The following MAP3K15 variants were observed in gnomAD, a reference collection of about 807,000 sequenced individuals.
MAP3K15 encodes mitogen-activated protein kinase kinase kinase 15.
In MAP3K15, 124 loss-of-function variants were observed where a neutral mutation model predicts 99.5. The observed-to-expected ratio is 1.25, with a 90% CI of 1.08 to 1.45. The LOEUF (loss-of-function observed/expected upper bound fraction) is 1.45, where lower values mean the gene tolerates loss of function less well. MAP3K15 is among the 40% of genes most tolerant of loss of function. MAP3K15 has a pLI of 0.00. For synonymous variants in MAP3K15, 494 were observed against 439.6 expected (o/e 1.12, Z -1.55); for missense variants, 1,242 against 1,079.7 (o/e 1.15, Z -2.11).
intron 6 of MAP3K15, among the ~76,000 whole-genome samples, chrX:19,441,051 T>C (rs1210735283): frequency 3.6e-5 from 4 of 111,883 alleles, no homozygotes; most frequent in Non-Finnish European, 7.5e-5. Context: ...ATCTGTACAA[T>C]GGAATATTAA....
At chrX:19,416,150 G>T (rs1053896572) in intron 9 of MAP3K15, among the ~76,000 whole-genome samples, 7 of 111,369 alleles carry the variant, frequency 6.3e-5, no homozygotes, top group Non-Finnish European at 1.1e-4. Flanking sequence ...GGCCAACATG[G>T]TGAAATCCTG....
At chrX:19,483,291 G>A (rs1481921868) in intron 3 of MAP3K15, among the ~76,000 whole-genome samples, 1 of 107,260 alleles carries the variant, frequency 9.3e-6, no homozygotes, top group African/African-American at 3.4e-5. Flanking sequence ...GGAGATAAAT[G>A]TGCCCACTTC....
At chrX:19,364,457 CCT>C (rs1220643410) in intron 25 of MAP3K15, among the ~76,000 whole-genome samples, 1 of 111,587 alleles carries the variant, frequency 9.0e-6, no homozygotes, top group Non-Finnish European at 1.9e-5. Context: ...CTCCTGCCTC[CCT>C]CTCTCAGTCC....
At chrX:19,379,550 C>T (rs760979591) in intron 19 of MAP3K15, among the ~76,000 whole-genome samples, 4 of 102,700 alleles carry the variant, frequency 3.9e-5, no homozygotes, top group Admixed American at 1.1e-4. Flanking sequence ...TGGATTCAAG[C>T]GATTCTCCTG....
chrX:19,448,788 A>C (rs1246153870), intron 6 of MAP3K15, among the ~76,000 whole-genome samples: 5 of 109,619 alleles, frequency 4.6e-5, no homozygotes, highest in African/African-American at 1.6e-4. Context: ...ATGACCTAAC[A>C]CTGGTGGTTG....
chrX:19,361,452 T>G (rs1295700862), intron 27 of MAP3K15, 37 bp from the exon 28 acceptor site: 1 of 1,189,306 alleles, frequency 8.4e-7, no homozygotes. Context: ...GCTGAGCAGC[T>G]GTGTAACAAC....
intron 3 of MAP3K15, among the ~76,000 whole-genome samples, chrX:19,472,364 T>A (rs1445084476): frequency 9.0e-6 from 1 of 111,683 alleles, no homozygotes; most frequent in East Asian, 2.8e-4. Context: ...TAGTTATGCA[T>A]GCAATTATAA....
At chrX:19,512,762 C>T (rs2064529830) in intron 1 of MAP3K15, among the ~76,000 whole-genome samples, 1 of 107,510 alleles carries the variant, frequency 9.3e-6, no homozygotes, top group African/African-American at 3.4e-5. Context: ...CCTGGCCTAT[C>T]AAGCGCCTTA....
At chrX:19,445,705 G>A (rs1358294468) in intron 6 of MAP3K15, among the ~76,000 whole-genome samples, 2 of 110,135 alleles carry the variant, frequency 1.8e-5, no homozygotes, top group Non-Finnish European at 3.8e-5. Context: ...CACTTTGGGA[G>A]GCTGAGGCGG....
chrX:19,430,860 A>G (rs2063875570), intron 7 of MAP3K15, among the ~76,000 whole-genome samples: 1 of 110,125 alleles, frequency 9.1e-6, no homozygotes, highest in Non-Finnish European at 1.9e-5. Context: ...AGGCACCTTC[A>G]CTGACTACCC....
At chrX:19,398,106 T>C (rs2063580533) in intron 15 of MAP3K15, 120 bp downstream of exon 15, 2 of 754,854 alleles carry the variant, frequency 2.6e-6, no homozygotes, top group African/African-American at 4.4e-5. Context: ...TACAAGAGAA[T>C]GACAGGTTTT....
intron 1 of MAP3K15, among the ~76,000 whole-genome samples, chrX:19,499,755 G>A (rs945244601): frequency 4.5e-5 from 5 of 111,818 alleles, no homozygotes; most frequent in Non-Finnish European, 9.4e-5. Context: ...CTACAGAGAT[G>A]ACAGCAGATC....
intron 3 of MAP3K15, among the ~76,000 whole-genome samples, chrX:19,485,308 CAAAAAAAAAAAA>C (rs368987947): frequency 1.3e-3 from 10 of 7,934 alleles, no homozygotes; most frequent in South Asian, 0.016. Flanking sequence ...GACTCTGTCT[CAAAAAAAAAAAA>C]AAAAAAAAAA....
At chrX:19,447,883 C>CA (rs753152404) in intron 6 of MAP3K15, among the ~76,000 whole-genome samples, 270 of 25,923 alleles carry the variant, frequency 0.01, 12 homozygotes, top group African/African-American at 0.014. Context: ...GACTCCGTCT[C>CA]AAAAAAAAAA....
At chrX:19,424,019 C>G (rs1224171595) in intron 9 of MAP3K15, among the ~76,000 whole-genome samples, 3 of 111,061 alleles carry the variant, frequency 2.7e-5, no homozygotes, top group Non-Finnish European at 5.7e-5. Context: ...ATTCACATGA[C>G]TCCACTGGGA....
chrX:19,479,160 C>G (rs2064272722), intron 3 of MAP3K15, among the ~76,000 whole-genome samples: 1 of 111,638 alleles, frequency 9.0e-6, no homozygotes, highest in African/African-American at 3.3e-5. Flanking sequence ...CTACCCAGAA[C>G]CCCCCAACCC....
chrX:19,448,023 T>C (rs893087537), intron 6 of MAP3K15, among the ~76,000 whole-genome samples: 5 of 106,215 alleles, frequency 4.7e-5, no homozygotes, highest in Non-Finnish European at 9.8e-5. Flanking sequence ...CGCTCTAAGG[T>C]GTAGGAGGCT....
chrX:19,504,225 T>C (rs1332605244), intron 1 of MAP3K15, among the ~76,000 whole-genome samples: 1 of 111,623 alleles, frequency 9.0e-6, no homozygotes, highest in Non-Finnish European at 1.9e-5. Flanking sequence ...AGCTAGGCTA[T>C]GCTGCCACAA....
rs752721908 is a variant in MAP3K15 at position 19,380,173 on chromosome X, T to C, written c.2536A>G (p.Thr846Ala). 1 of 1,203,893 alleles carries C rather than the reference T, an allele frequency of 8.3e-7. No individual in the cohort carries two copies. The highest frequency in any genetic ancestry group is 1.8e-5 in the South Asian group (1 of 55,247). The change falls in exon 19 of 29, where the codon ACC becomes GCC. Residue 846 changes from threonine to alanine, a missense_variant. Physicochemically the swap from Thr to Ala is moderately conservative, Grantham distance 58. Transcript: ENST00000338883. Reference sequence around the variant, plus strand: ...AGCTCATGGAACGGAGGCTTGCTGGTGGCCATCTCAATGATGGTGCAGCCC... The same window carrying C: ...AGCTCATGGAACGGAGGCTTGCTGGCGGCCATCTCAATGATGGTGCAGCCC... ...SLGCTIIEMATSKPPFHELGE... is the reference protein window; with the variant it reads ...SLGCTIIEMAASKPPFHELGE...
Sources: allele counts gnomAD v4.1 joint callset (sites outside exome capture counted in the v4.1 genomes callset), GRCh38; gene constraint gnomAD v4.1.1; transcripts MANE v1.5; gene names NCBI Gene and HGNC (gene_info 2026-07-23, HGNC 2026-07-21).